The following C3orf20 variants were observed in gnomAD, a reference collection of about 807,000 sequenced individuals.
C3orf20 encodes uncharacterized protein C3orf20.
Under a neutral mutation model 88.3 loss-of-function variants are expected in C3orf20, and 76 were observed. The observed-to-expected ratio is 0.86, with a 90% confidence interval of 0.72 to 1.04. The LOEUF (loss-of-function observed/expected upper bound fraction) is 1.04, where lower values mean the gene tolerates loss of function less well. Ranked by LOEUF, C3orf20 falls within the 50% of genes least tolerant of loss-of-function variation. The pLI is 0.00. For synonymous variants in C3orf20, 436 were observed against 437.4 expected (o/e 1.00, Z 0.04); for missense variants, 1,056 against 1,123.3 (o/e 0.94, Z 0.86).
chr3:14,684,295 C>G lies in C3orf20; in HGVS notation c.538C>G (p.Leu180Val), dbSNP rs1315342373. ...TRRFVEASQL[L>V]HLNAKEMAFN... is the part of the protein sequence containing the mutation. ...GCGCTTTGTGGAGGCCAGCCAGCTC[C>G]TCCACCTCAATGCCAAGGAGATGGC... The change falls in exon 4 of 17, where the codon CTC (leucine) becomes GTC (valine). Residue 180 changes from leucine (L) to valine (V), a missense_variant. Transcript: ENST00000253697. The G allele has an allele frequency of 1.2e-6, 2 of 1,614,066 alleles. No homozygotes were observed. Among genetic ancestry groups the G allele is most frequent in the South Asian group, 1.1e-5 (1 of 91,088 alleles).
At chr3:14,708,238 G>C (rs527506305) in intron 7 of C3orf20, among the ~76,000 whole-genome samples, 1 of 152,240 alleles carries the variant, frequency 6.6e-6, no homozygotes, top group South Asian at 2.1e-4. Flanking sequence ...TTTGCATGTG[G>C]ATAGCTAATT....
intron 12 of C3orf20, among the ~76,000 whole-genome samples, chr3:14,755,796 G>A (rs926087149): frequency 2.0e-5 from 3 of 152,186 alleles, no homozygotes; most frequent in Admixed American, 6.5e-5. Flanking sequence ...TTGGGAGGCC[G>A]AGGCGGGCAG....
intron 12 of C3orf20, among the ~76,000 whole-genome samples, chr3:14,741,542 G>T (rs1384123096): frequency 2.6e-5 from 4 of 152,208 alleles, no homozygotes; most frequent in African/African-American, 9.6e-5. Context: ...TGAACTTTCT[G>T]TGTTTTCTGA....
chr3:14,730,501 C>A (rs1158471970), intron 12 of C3orf20, among the ~76,000 whole-genome samples: 1 of 152,014 alleles, frequency 6.6e-6, no homozygotes, highest in Non-Finnish European at 1.5e-5. Context: ...GAGCCGAGAT[C>A]CTGCCACTGC....
chr3:14,757,399 A>T lies in C3orf20; in HGVS notation c.1969A>T (p.Thr657Ser), dbSNP rs750732538. 2.5e-6 allele frequency: 4 copies of T among 1,611,654 alleles called. No homozygotes were observed. The African/African-American group carries it at 5.3e-5, about 22-fold the overall frequency. Residue 657 changes from threonine (T) to serine (S), a missense_variant, in exon 13 of 17, where the codon ACC becomes TCC. Transcript: ENST00000253697. ...GAAGGCCCGCGAGGGGCGCAGCCCCACCAGGTGGGCGGCCTTGCCCTCAGA... is the reference window on the plus strand; with the variant it reads ...GAAGGCCCGCGAGGGGCGCAGCCCCTCCAGGTGGGCGGCCTTGCCCTCAGA... Reference protein sequence around the residue: ...RGKAREGRSPTRWAALPSDCP... With the variant: ...RGKAREGRSPSRWAALPSDCP...
At chr3:14,755,713 G>A (rs1478207848) in intron 12 of C3orf20, among the ~76,000 whole-genome samples, 1 of 152,174 alleles carries the variant, frequency 6.6e-6, no homozygotes, top group Admixed American at 6.5e-5. Context: ...GGAACCTTCT[G>A]TTTTCTAATC....
chr3:14,714,270 C>A (rs1245958751), intron 8 of C3orf20, 111 bp downstream of exon 8: 3 of 1,228,888 alleles, frequency 2.4e-6, no homozygotes, highest in Middle Eastern at 2.7e-4. Flanking sequence ...CAGGCGGTGT[C>A]CAGAGATCTA....
At chr3:14,742,808 G>A (rs977724491) in intron 12 of C3orf20, among the ~76,000 whole-genome samples, 11 of 152,260 alleles carry the variant, frequency 7.2e-5, no homozygotes, top group African/African-American at 2.4e-4. Context: ...AAGAGAAAAC[G>A]AGGAAGAAGC....
chr3:14,726,147 G>C (rs1027266092), intron 10 of C3orf20, among the ~76,000 whole-genome samples: 7 of 152,358 alleles, frequency 4.6e-5, no homozygotes, highest in African/African-American at 1.7e-4. Flanking sequence ...CTGCTCTTGG[G>C]AACAGCCCCT....
Position 14,675,261 on chromosome 3 carries a change from T to G in C3orf20, c.-299+9T>G, listed in dbSNP as rs924732063. 6.6e-6 allele frequency: 1 copy of G among 152,212 alleles called. No homozygotes were observed. Among genetic ancestry groups the G allele is most frequent in the Non-Finnish European group, 1.5e-5 (1 of 68,044 alleles). 9.4% of individuals were successfully genotyped at this position (152,212 alleles called of 1,614,324 possible). On this transcript the variant is annotated intron_variant, in intron 1 of 16. Coordinates refer to ENST00000253697, the MANE Select transcript of C3orf20 (RefSeq NM_032137.5). ...AAAACTACATGGCTAAGGTGAGTGA[T>G]GATCACTGAAAGGAATTCATTGACC... is the stretch of plus-strand genomic sequence containing the variant.
Position 14,757,649 on chromosome 3 carries a change from G to A in C3orf20, c.2219G>A (p.Arg740Gln), listed in dbSNP as rs760894314. The A allele has an allele frequency of 6.3e-5, 101 of 1,610,428 alleles. No individual in the cohort carries two copies. Among genetic ancestry groups the A allele is most frequent in the Non-Finnish European group, 7.7e-5 (91 of 1,177,400 alleles). ...LLNTLYNHQQ[R>Q]GRGSPCIQCR... Reference sequence around the variant, plus strand: ...AACACTCTCTACAACCACCAGCAGCGGGGCCGTGGCTCCCCCTGCATCCAG... The same window carrying A: ...AACACTCTCTACAACCACCAGCAGCAGGGCCGTGGCTCCCCCTGCATCCAG... Residue 740 changes from arginine (R) to glutamine (Q), a missense_variant, in exon 13 of 17, where the codon CGG becomes CAG. Physicochemically the swap from Arg to Gln is conservative, Grantham distance 43 (BLOSUM62 1). Transcript: ENST00000253697.
At chr3:14,751,653 G>A (rs914217343) in intron 12 of C3orf20, among the ~76,000 whole-genome samples, 10 of 152,150 alleles carry the variant, frequency 6.6e-5, no homozygotes, top group Non-Finnish European at 1.2e-4. Context: ...CAAAATCAAT[G>A]TGCAAAAATC....
chr3:14,729,914 A>G (rs571971360), intron 12 of C3orf20, among the ~76,000 whole-genome samples: 72 of 152,276 alleles, frequency 4.7e-4, no homozygotes, highest in Non-Finnish European at 8.8e-4. Flanking sequence ...TTCAAAAAAT[A>G]TAAAATGCAT....
In C3orf20 at chr3:14,754,658, A is replaced by G. The variant is rs2035311336; in HGVS notation, c.1941-2713A>G. ...TCAACGGATGTGGTTTTTGAGTTCC[A>G]AAATTAGAGTAACCACCATTTTTGG... is the stretch of plus-strand genomic sequence containing the variant. On this transcript the variant is annotated intron_variant, in intron 12 of 16. Coordinates refer to ENST00000253697, the MANE Select transcript of C3orf20 (RefSeq NM_032137.5). Among the ~76,000 whole-genome samples, 2 of 152,180 alleles carry G rather than the reference A, an allele frequency of 1.3e-5. 1 individual carries two copies. Among genetic ancestry groups the G allele is most frequent in the South Asian group, 4.1e-4 (2 of 4,820 alleles).
rs888797306 is a variant in C3orf20, at chr3:14,703,350, G to A, written c.878+88G>A. 12 of 1,575,268 alleles carry A rather than the reference G, an allele frequency of 7.6e-6. No individual in the cohort carries two copies. In the African/African-American group the frequency reaches 9.4e-5, roughly 12 times the overall value. ...GGGAGTCCCTGTGTATATGTGAGTGGACAGTCACAGAAGTGTGTGAGACAT... is the reference window on the plus strand; with the variant it reads ...GGGAGTCCCTGTGTATATGTGAGTGAACAGTCACAGAAGTGTGTGAGACAT... On this transcript the variant is annotated intron_variant, in intron 6 of 16. Transcript: ENST00000253697.
chr3:14,690,157 G>A (rs367731559), intron 5 of C3orf20, 41 bp downstream of exon 5: 1 of 1,612,884 alleles, frequency 6.2e-7, no homozygotes, highest in African/African-American at 1.3e-5. Context: ...ATTGGTGGTG[G>A]CGGTGGGGTG....
intron 15 of C3orf20, among the ~76,000 whole-genome samples, chr3:14,762,510 G>A (rs762775398): frequency 1.2e-4 from 18 of 152,212 alleles, no homozygotes; most frequent in Non-Finnish European, 2.2e-4. Flanking sequence ...CTTGCAGGAT[G>A]AGGTTGGAGC....
chr3:14,689,752 C>T (rs1864901), intron 4 of C3orf20, among the ~76,000 whole-genome samples: 101,181 of 151,802 alleles, frequency 0.67, 33,842 homozygotes, highest in Middle Eastern at 0.71. Context: ...TTCCTTGTTC[C>T]GGTCCCCCTC....
At chr3:14,715,507 G>A (rs2033905676) in intron 9 of C3orf20, 98 bp downstream of exon 9, 2 of 1,421,338 alleles carry the variant, frequency 1.4e-6, no homozygotes, top group Non-Finnish European at 1.9e-6. Context: ...AAAAGCCCAG[G>A]GCTACCCGTA....
Sources: allele counts gnomAD v4.1 joint callset (sites outside exome capture counted in the v4.1 genomes callset), GRCh38; gene constraint gnomAD v4.1.1; transcripts MANE v1.5; gene names NCBI Gene and HGNC (gene_info 2026-07-23, HGNC 2026-07-21).